GRIK2: variants seen among roughly 807,000 people sequenced by gnomAD.
GRIK2 encodes glutamate receptor ionotropic, kainate 2.
A neutral mutation model predicts 100.3 loss-of-function variants in GRIK2; 32 were observed. The ratio of observed to expected loss-of-function variants is 0.32; its 90% CI spans 0.24 to 0.43. GRIK2 has a LOEUF of 0.43. Among genes scored for constraint, GRIK2 ranks in the 20% least tolerant of loss-of-function variants. The pLI is 1.00. For synonymous variants in GRIK2, 417 were observed against 389.4 expected (o/e 1.07, Z -0.83); for missense variants, 843 against 1,114.9 (o/e 0.76, Z 3.47).
At chr6:101,503,271 G>A (rs1184572787) in intron 2 of GRIK2, among the ~76,000 whole-genome samples, 1 of 152,084 alleles carries the variant, frequency 6.6e-6, no homozygotes, top group Non-Finnish European at 1.5e-5. Context: ...GAGTTGTGAG[G>A]AAAAGGTATA....
intron 11 of GRIK2, among the ~76,000 whole-genome samples, chr6:101,875,898 T>C (rs1341894517): frequency 6.6e-6 from 1 of 151,936 alleles, no homozygotes; most frequent in Non-Finnish European, 1.5e-5. Context: ...GAACATATTT[T>C]ACACACTTGT....
At chr6:101,635,439 G>A (rs745413645) in intron 4 of GRIK2, among the ~76,000 whole-genome samples, 8 of 152,066 alleles carry the variant, frequency 5.3e-5, no homozygotes, top group Non-Finnish European at 1.0e-4. Flanking sequence ...CAGGACATAG[G>A]CATGGGCAAA....
At chr6:101,401,882 C>G (rs966072603) in intron 2 of GRIK2, among the ~76,000 whole-genome samples, 1 of 152,176 alleles carries the variant, frequency 6.6e-6, no homozygotes, top group African/African-American at 2.4e-5. Context: ...GACCCGCCGC[C>G]TCTGCTGGGG....
At chr6:101,810,828 G>A (rs1781280703) in intron 9 of GRIK2, among the ~76,000 whole-genome samples, 1 of 151,936 alleles carries the variant, frequency 6.6e-6, no homozygotes. Flanking sequence ...CACTAATAGT[G>A]AGAAAACTAA....
intron 10 of GRIK2, among the ~76,000 whole-genome samples, chr6:101,852,252 T>A (rs1784176186): frequency 6.6e-6 from 1 of 152,144 alleles, no homozygotes; most frequent in African/African-American, 2.4e-5. Context: ...ATGAAATCAA[T>A]AGAGCTAATT....
Position 101,804,218 on chromosome 6 carries a change from AGAAG to A in GRIK2, c.1203+1785_1203+1788del, listed in dbSNP as rs532139127. ...TGATTGTTAGAAAATCAGTCATTTT[AGAAG>A]GAAGTAGAAGTATGGGGAAACACAA... On this transcript the variant is annotated intron_variant, in intron 9 of 16. Transcript: ENST00000369134. 1.5e-3 allele frequency among the ~76,000 whole-genome samples: 230 copies of A among 152,086 alleles called. 1 individual carries two copies. Among genetic ancestry groups the A allele is most frequent in the African/African-American group, 5.4e-3 (224 of 41,540 alleles).
At chr6:101,411,214 T>C (rs929997368) in intron 2 of GRIK2, among the ~76,000 whole-genome samples, 3 of 152,080 alleles carry the variant, frequency 2.0e-5, no homozygotes, top group African/African-American at 7.2e-5. Flanking sequence ...CTTTTGCTCT[T>C]CCATGTATCA....
At chr6:101,977,567 G>A (rs949284003) in intron 14 of GRIK2, among the ~76,000 whole-genome samples, 5 of 151,938 alleles carry the variant, frequency 3.3e-5, no homozygotes, top group African/African-American at 1.2e-4. Flanking sequence ...AGGCAGGCAT[G>A]GCCCAGATTT....
chr6:102,053,432 A>C (rs936395535), intron 15 of GRIK2, among the ~76,000 whole-genome samples: 2 of 152,170 alleles, frequency 1.3e-5, no homozygotes, highest in Non-Finnish European at 2.9e-5. Context: ...CAGAGACTCA[A>C]GCACCATGTT....
intron 4 of GRIK2, among the ~76,000 whole-genome samples, chr6:101,660,518 G>C (rs2128333553): frequency 6.6e-6 from 1 of 152,172 alleles, no homozygotes; most frequent in South Asian, 2.1e-4. Context: ...TCCCTTGCTG[G>C]TGAGGAGTTG....
intron 14 of GRIK2, among the ~76,000 whole-genome samples, chr6:102,004,993 C>T (rs1795136547): frequency 1.3e-5 from 2 of 151,596 alleles, no homozygotes; most frequent in African/African-American, 4.8e-5. Flanking sequence ...GGCAGGAGAA[C>T]AGTAGCCTAT....
At chr6:101,417,579 A>G (rs1776212691) in intron 2 of GRIK2, among the ~76,000 whole-genome samples, 1 of 152,188 alleles carries the variant, frequency 6.6e-6, no homozygotes, top group Non-Finnish European at 1.5e-5. Context: ...CTGCACACAG[A>G]TATAATCACA....
intron 4 of GRIK2, among the ~76,000 whole-genome samples, chr6:101,636,961 T>C (rs1319269882): frequency 1.3e-5 from 2 of 152,150 alleles, no homozygotes; most frequent in Admixed American, 1.3e-4. Flanking sequence ...ATCATCTCTC[T>C]GAAACACTTG....
intron 14 of GRIK2, among the ~76,000 whole-genome samples, chr6:101,972,628 A>G (rs1164985923): frequency 6.7e-6 from 1 of 149,438 alleles, no homozygotes; most frequent in Non-Finnish European, 1.5e-5. Flanking sequence ...GGCCAAAATT[A>G]TTTGCCAAGG....
chr6:101,719,224 A>G (rs533318211), intron 7 of GRIK2, among the ~76,000 whole-genome samples: 2 of 140,032 alleles, frequency 1.4e-5, no homozygotes, highest in African/African-American at 5.7e-5. Context: ...TGCATGGCAG[A>G]TTTCCTGAAT....
intron 9 of GRIK2, among the ~76,000 whole-genome samples, chr6:101,811,919 GA>G (rs1390923680): frequency 6.6e-6 from 1 of 150,450 alleles, no homozygotes; most frequent in Non-Finnish European, 1.5e-5. Context: ...TTTCTACCTA[GA>G]AAAAAATACA....
At chr6:101,613,832 A>G (rs2128314033) in intron 2 of GRIK2, among the ~76,000 whole-genome samples, 1 of 151,846 alleles carries the variant, frequency 6.6e-6, no homozygotes, top group Non-Finnish European at 1.5e-5. Flanking sequence ...ACAATTTCAA[A>G]GTGTTAGGCT....
At chr6:101,897,017 CACACACACACACACAG>C (rs1787498956) in intron 12 of GRIK2, among the ~76,000 whole-genome samples, 1 of 151,314 alleles carries the variant, frequency 6.6e-6, no homozygotes, top group Admixed American at 6.6e-5. Context: ...CACACACACA[CACACACACACACACAG>C]ACACATACAC....
At chr6:101,926,206 T>G (rs997908113) in intron 13 of GRIK2, among the ~76,000 whole-genome samples, 4 of 149,352 alleles carry the variant, frequency 2.7e-5, no homozygotes, top group African/African-American at 4.9e-5. Context: ...TTTTTTTTTT[T>G]TTTTTTTTTT....
Sources: allele counts gnomAD v4.1 joint callset (sites outside exome capture counted in the v4.1 genomes callset), GRCh38; gene constraint gnomAD v4.1.1; transcripts MANE v1.5; gene names NCBI Gene and HGNC (gene_info 2026-07-23, HGNC 2026-07-21).